The following LRRC75A variants were observed in gnomAD, a reference collection of about 807,000 sequenced individuals.
The protein encoded by LRRC75A is leucine-rich repeat-containing protein 75A.
Under a neutral mutation model 26.0 loss-of-function variants are expected in LRRC75A, and 12 were observed. The observed-to-expected ratio is 0.46, with a 90% confidence interval of 0.30 to 0.75. The LOEUF (loss-of-function observed/expected upper bound fraction) is 0.75. Among genes scored for constraint, LRRC75A ranks in the 30% least tolerant of loss-of-function variants. LRRC75A has a pLI of 0.08. For missense variants in LRRC75A, 410 were observed against 486.6 expected (o/e 0.84, Z 1.48); for synonymous variants, 223 against 219.3 (o/e 1.02, Z -0.15).
intron 1 of LRRC75A, among the ~76,000 whole-genome samples, chr17:16,473,329 A>C (rs917873978): frequency 1.3e-5 from 2 of 152,088 alleles, no homozygotes; most frequent in African/African-American, 4.8e-5. Flanking sequence ...AAAGTAATAA[A>C]AGCAACTGCT....
intron 1 of LRRC75A, among the ~76,000 whole-genome samples, chr17:16,464,330 T>C (rs958516013): frequency 6.6e-6 from 1 of 152,174 alleles, no homozygotes; most frequent in African/African-American, 2.4e-5. Flanking sequence ...CTGCACCCCC[T>C]TGTAGAAGCA....
intron 1 of LRRC75A, among the ~76,000 whole-genome samples, chr17:16,475,250 A>G (rs1042285084): frequency 6.6e-6 from 1 of 152,160 alleles, no homozygotes; most frequent in Non-Finnish European, 1.5e-5. Flanking sequence ...CTCTGCCTCT[A>G]TGAGCCCTTG....
intron 1 of LRRC75A, among the ~76,000 whole-genome samples, chr17:16,468,294 C>T (rs532205964): frequency 1.6e-4 from 25 of 152,292 alleles, no homozygotes; most frequent in African/African-American, 5.1e-4. Flanking sequence ...AGCCAAAAGG[C>T]GAAAACAATC....
intron 2 of LRRC75A, among the ~76,000 whole-genome samples, chr17:16,454,209 G>A (rs930746868): frequency 1.3e-5 from 2 of 151,956 alleles, no homozygotes; most frequent in African/African-American, 4.8e-5. Flanking sequence ...TGGCCAACAC[G>A]GCGAAACTCC....
chr17:16,459,502 G>C (rs559988647), intron 2 of LRRC75A, among the ~76,000 whole-genome samples: 3 of 152,310 alleles, frequency 2.0e-5, no homozygotes, highest in Non-Finnish European at 2.9e-5. Context: ...CCACGTGCTA[G>C]AGCAGAGCTC....
intron 1 of LRRC75A, among the ~76,000 whole-genome samples, chr17:16,473,323 T>C (rs2093812191): frequency 6.6e-6 from 1 of 151,970 alleles, no homozygotes; most frequent in African/African-American, 2.4e-5. Flanking sequence ...CTAGCAAAAG[T>C]AATAAAAGCA....
chr17:16,477,030 G>A (rs1038420526), intron 1 of LRRC75A, among the ~76,000 whole-genome samples: 35 of 151,332 alleles, frequency 2.3e-4, no homozygotes, highest in Non-Finnish European at 2.5e-4. Flanking sequence ...GAGCCACTGC[G>A]CCCGGCCATG....
In LRRC75A at chr17:16,443,922, G is replaced by A. The variant is rs1232427769; in HGVS notation, c.701C>T (p.Thr234Ile). 2 of 1,613,682 alleles carry A rather than the reference G, an allele frequency of 1.2e-6. No homozygotes were observed. The highest frequency in any genetic ancestry group is 1.7e-6 in the Non-Finnish European group (2 of 1,179,802). ...CAACCGGTTGCCATTGAGTGCCAGT[G>A]TGGTGAGGCGGGGCAGGGTGCTGAG... is the stretch of plus-strand genomic sequence containing the variant. ...PALSTLPRLTTLALNGNRLTR... is the reference protein window; with the variant it reads ...PALSTLPRLTILALNGNRLTR... The change falls in exon 4 of 4, where the codon ACA becomes ATA. Residue 234 changes from threonine (T) to isoleucine (I), a missense_variant. Coordinates refer to ENST00000470794, the MANE Select transcript of LRRC75A (RefSeq NM_001113567.3).
At chr17:16,447,462 G>A (rs2093595621) in intron 3 of LRRC75A, among the ~76,000 whole-genome samples, 1 of 152,058 alleles carries the variant, frequency 6.6e-6, no homozygotes, top group Admixed American at 6.5e-5. Flanking sequence ...GCACCACCAC[G>A]CCTGGCTAAT....
intron 1 of LRRC75A, among the ~76,000 whole-genome samples, chr17:16,488,919 T>C (rs1393206359): frequency 6.6e-6 from 1 of 151,936 alleles, no homozygotes; most frequent in South Asian, 2.1e-4. Context: ...CTGCCACACA[T>C]GCACCCGGGT....
At chr17:16,487,920 CAA>C (rs1405023467) in intron 1 of LRRC75A, among the ~76,000 whole-genome samples, 1 of 152,248 alleles carries the variant, frequency 6.6e-6, no homozygotes, top group Non-Finnish European at 1.5e-5. Flanking sequence ...TCGAGTAAAC[CAA>C]CCCCATCAGC....
chr17:16,448,020 C>T (rs945029436), intron 2 of LRRC75A, 60 bp from the exon 3 acceptor site: 6 of 1,433,774 alleles, frequency 4.2e-6, no homozygotes, highest in Non-Finnish European at 5.8e-6. Flanking sequence ...GTCTCAGCCC[C>T]CAGGCTTCCT....
At chr17:16,449,097 AGC>A (rs1315823532) in intron 2 of LRRC75A, among the ~76,000 whole-genome samples, 2 of 152,056 alleles carry the variant, frequency 1.3e-5, no homozygotes, top group African/African-American at 4.8e-5. Context: ...CTTGGATGCA[AGC>A]GCTGAGGCTT....
At chr17:16,475,593 C>T (rs2093817718) in intron 1 of LRRC75A, among the ~76,000 whole-genome samples, 1 of 152,170 alleles carries the variant, frequency 6.6e-6, no homozygotes, top group Non-Finnish European at 1.5e-5. Context: ...TCTCTGTCAC[C>T]CAGGCTACAG....
Position 16,442,724 on chromosome 17 carries a change from C to T in LRRC75A, c.*864G>A, listed in dbSNP as rs1284730461. The T allele has an allele frequency of 6.6e-6, 1 of 152,068 alleles. No homozygotes were observed. The highest frequency in any genetic ancestry group is 1.5e-5 in the Non-Finnish European group (1 of 68,020). 9.4% of individuals were successfully genotyped at this position (152,068 alleles called of 1,614,324 possible). A position where few individuals can be genotyped will look rare whatever the true frequency, so the allele number is the denominator to read the frequency against. ...ACTTAAGAGTTATGGGGAAAGAGTT[C>T]TTACGGCCTGTCTAGGTCAGTGAAG... On this transcript the variant is annotated 3_prime_UTR_variant, in exon 4 of 4. Transcript: ENST00000470794.
chr17:16,446,595 CATGCTTGGATT>C (rs1394483048), intron 3 of LRRC75A, among the ~76,000 whole-genome samples: 1 of 152,036 alleles, frequency 6.6e-6, no homozygotes, highest in Non-Finnish European at 1.5e-5. Context: ...ATCAGAGGCC[CATGCTTGGATT>C]TCATTCAGGT....
Position 16,487,658 on chromosome 17 carries a change from C to T in LRRC75A, c.246+4087G>A, listed in dbSNP as rs551795014. Among the ~76,000 whole-genome samples the T allele has an allele frequency of 2.7e-3, 416 of 152,334 alleles. 1 individual carries two copies. The highest frequency in any genetic ancestry group is 4.3e-3 in the Non-Finnish European group (291 of 68,034). ...CCATGTTGCTCAGGCTGGTCTTGAA[C>T]TGGTGAGCTCAAGTCATCTGCCTGC... is the stretch of plus-strand genomic sequence containing the variant. On this transcript the variant is annotated intron_variant, in intron 1 of 3. Coordinates refer to ENST00000470794, the MANE Select transcript of LRRC75A (RefSeq NM_001113567.3).
chr17:16,447,021 C>A, intron 3 of LRRC75A: 1 of 268,368 alleles, frequency 3.7e-6, no homozygotes, highest in South Asian at 2.9e-5. Flanking sequence ...CCTTCCCCAG[C>A]CTGCAGGGAC....
rs142248220 is a variant in LRRC75A at position 16,487,113 on chromosome 17, G to A, written c.246+4632C>T. ...GCATGGATTGAATGCCTCCCAGTGT[G>A]GCAGGAACTAAGAGCCACATGGATC... On this transcript the variant is annotated intron_variant, in intron 1 of 3. Transcript: ENST00000470794. Among the ~76,000 whole-genome samples, 3 of 152,294 alleles carry A rather than the reference G, an allele frequency of 2.0e-5. No homozygotes were observed. The East Asian group carries it at 5.8e-4, about 29-fold the overall frequency.
Sources: allele counts gnomAD v4.1 joint callset (sites outside exome capture counted in the v4.1 genomes callset), GRCh38; gene constraint gnomAD v4.1.1; transcripts MANE v1.5; gene names NCBI Gene and HGNC (gene_info 2026-07-23, HGNC 2026-07-21).